The following STX8 variants were observed in gnomAD, a reference collection of about 807,000 sequenced individuals.
STX8 encodes the protein syntaxin 8.
STX8 carries 23 observed loss-of-function variants against 37.5 expected under a neutral mutation model. The ratio of observed to expected loss-of-function variants is 0.61; its 90% CI spans 0.44 to 0.87. STX8 has a LOEUF of 0.87. Ranked by LOEUF, STX8 falls within the 40% of genes least tolerant of loss-of-function variation. STX8 has a pLI of 0.00. For missense variants in STX8, 313 were observed against 284.7 expected, an observed-to-expected ratio of 1.10 and a Z score of -0.71; for synonymous variants, 115 against 99.1, an observed-to-expected ratio of 1.16 and a Z score of -0.95.
chr17:9,492,852 T>G (rs1231174261), intron 5 of STX8, among the ~76,000 whole-genome samples: 1 of 152,110 alleles, frequency 6.6e-6, no homozygotes, highest in African/African-American at 2.4e-5. Flanking sequence ...TCCCAGCACT[T>G]TGAGAGGCCA....
chr17:9,360,040 T>C (rs1405090604), intron 7 of STX8, among the ~76,000 whole-genome samples: 1 of 151,888 alleles, frequency 6.6e-6, no homozygotes, highest in Non-Finnish European at 1.5e-5. Context: ...TTTTGAGGTA[T>C]TGTTTCCTGA....
intron 4 of STX8, among the ~76,000 whole-genome samples, chr17:9,536,204 C>T (rs563758001): frequency 6.6e-6 from 1 of 152,320 alleles, no homozygotes; most frequent in African/African-American, 2.4e-5. Context: ...ATGCAAAACA[C>T]ATTCTCCTTT....
rs944320664 is a variant in STX8 at position 9,482,174 on chromosome 17, C to A, written c.541+9655G>T. The stretch of plus-strand genomic sequence containing the variant: ...TTCCAGCCTGAGCAACACAGCAAGA[C>A]CCTGTCCCTATTTTTTTTTAATCGT... On this transcript the variant is annotated intron_variant, in intron 6 of 7. Coordinates refer to ENST00000306357, the MANE Select transcript of STX8 (RefSeq NM_004853.3). Among the ~76,000 whole-genome samples the A allele has an allele frequency of 2.0e-5, 3 of 152,224 alleles. No homozygotes were observed. In the South Asian group the frequency reaches 6.2e-4, roughly 32 times the overall value.
chr17:9,435,869 CTAA>C (rs1327624067), intron 6 of STX8, among the ~76,000 whole-genome samples: 6 of 151,630 alleles, frequency 4.0e-5, no homozygotes, highest in Non-Finnish European at 5.9e-5. Flanking sequence ...TATATTTTAC[CTAA>C]TAATAATTTT....
chr17:9,485,677 C>A (rs1906563277), intron 6 of STX8, among the ~76,000 whole-genome samples: 1 of 151,878 alleles, frequency 6.6e-6, no homozygotes, highest in Non-Finnish European at 1.5e-5. Context: ...CCTCCACCTC[C>A]CAGGTTCAAG....
rs116727254 is a variant in STX8 at position 9,334,440 on chromosome 17, C to T, written c.643+44112G>A. On this transcript the variant is annotated intron_variant, in intron 7 of 7. Transcript: ENST00000306357. ...AAACTATAAACTAAGTTTCTCCCAA[C>T]GTTAGTTCAGCCTAAACCCAGGAAT... Among the ~76,000 whole-genome samples, 1,168 of 152,224 alleles carry T rather than the reference C, an allele frequency of 7.7e-3. 13 individuals are homozygous for T. Among genetic ancestry groups the T allele is most frequent in the African/African-American group, 0.027 (1,114 of 41,500 alleles).
chr17:9,351,053 G>A (rs2142245149), intron 7 of STX8, among the ~76,000 whole-genome samples: 1 of 151,276 alleles, frequency 6.6e-6, no homozygotes, highest in African/African-American at 2.4e-5. Flanking sequence ...ATTTCAACCT[G>A]ACAGAAAAGC....
chr17:9,333,408 A>G (rs1016893194), intron 7 of STX8, among the ~76,000 whole-genome samples: 1 of 152,026 alleles, frequency 6.6e-6, no homozygotes, highest in Non-Finnish European at 1.5e-5. Context: ...TTTTTTTTGA[A>G]ACAGAGTCTT....
chr17:9,491,688 C>G, intron 6 of STX8, 141 bp downstream of exon 6: 1 of 679,210 alleles, frequency 1.5e-6, no homozygotes, highest in Non-Finnish European at 2.4e-6. Flanking sequence ...CCACAACCCC[C>G]ACTCCAATGC....
chr17:9,556,720 T>C (rs957906102), intron 3 of STX8, among the ~76,000 whole-genome samples: 27 of 145,134 alleles, frequency 1.9e-4, no homozygotes, highest in Middle Eastern at 7.3e-3. Flanking sequence ...GCGTGAACCA[T>C]TGCACCTGGC....
At chr17:9,305,896 C>T (rs1908967751) in intron 7 of STX8, among the ~76,000 whole-genome samples, 1 of 151,820 alleles carries the variant, frequency 6.6e-6, no homozygotes. Flanking sequence ...AGATGCGCAC[C>T]ACCATTCCCG....
At chr17:9,323,742 G>C (rs370745920) in intron 7 of STX8, among the ~76,000 whole-genome samples, 5 of 152,216 alleles carry the variant, frequency 3.3e-5, no homozygotes, top group Non-Finnish European at 7.3e-5. Context: ...TGTGAAGAGA[G>C]GAGGCCTGTC....
rs551620497 is a variant in STX8 at position 9,268,172 on chromosome 17, A to G, written c.644-17527T>C. Among the ~76,000 whole-genome samples, 11 of 152,150 alleles carry G rather than the reference A, an allele frequency of 7.2e-5. 1 individual carries two copies. The South Asian group carries it at 8.3e-4, about 11-fold the overall frequency. On this transcript the variant is annotated intron_variant, in intron 7 of 7. Coordinates refer to ENST00000306357, the MANE Select transcript of STX8 (RefSeq NM_004853.3). ...CAGTGAGATGCTTAATGGCAGAACT[A>G]GGGCGCAACCAACTCAGCACACTGG... is the stretch of plus-strand genomic sequence containing the variant.
At chr17:9,391,524 T>A (rs751742133) in intron 6 of STX8, among the ~76,000 whole-genome samples, 5 of 151,676 alleles carry the variant, frequency 3.3e-5, no homozygotes, top group Non-Finnish European at 7.4e-5. Flanking sequence ...ACACACACAC[T>A]CATGCAGCAA....
At position 9,432,761 on chromosome 17, in the gene STX8, T is replaced by C. The variant is rs113340187; in HGVS notation, c.542-54108A>G. Among the ~76,000 whole-genome samples the C allele has an allele frequency of 1.2e-4, 18 of 152,352 alleles. 1 individual carries two copies. Among genetic ancestry groups the C allele is most frequent in the Admixed American group, 2.6e-4 (4 of 15,300 alleles). ...GCCTATTTATTTTGCTAGCTGGTGATAGAATTAAATACAGAGTCTTTGAAA... is the reference window on the plus strand; with the variant it reads ...GCCTATTTATTTTGCTAGCTGGTGACAGAATTAAATACAGAGTCTTTGAAA... On this transcript the variant is annotated intron_variant, in intron 6 of 7. Coordinates refer to ENST00000306357, the MANE Select transcript of STX8 (RefSeq NM_004853.3).
chr17:9,542,301 C>T (rs141050486), intron 4 of STX8, among the ~76,000 whole-genome samples: 1,695 of 150,186 alleles, frequency 0.011, 36 homozygotes, highest in African/African-American at 0.039. Context: ...GAGGTTGCAG[C>T]GAGCTGAAAT....
chr17:9,335,976 G>A (rs1044861555), intron 7 of STX8, among the ~76,000 whole-genome samples: 1 of 152,138 alleles, frequency 6.6e-6, no homozygotes, highest in Admixed American at 6.6e-5. Context: ...ACTGCTCTGG[G>A]CATCTCAGGG....
At chr17:9,409,071 T>C (rs375209331) in intron 6 of STX8, among the ~76,000 whole-genome samples, 2 of 151,408 alleles carry the variant, frequency 1.3e-5, no homozygotes, top group Non-Finnish European at 2.9e-5. Context: ...CAGCAGCCAC[T>C]GCCCAACCCC....
In STX8 at chr17:9,460,841, G is replaced by A. The variant is rs146636923; in HGVS notation, c.541+30988C>T. ...GACACTTGGTAGCTGTGTGCCTTTC[G>A]CCAAGTTACTTAGATTGCCTCAGCC... On this transcript the variant is annotated intron_variant, in intron 6 of 7. Transcript: ENST00000306357. 1.8e-3 allele frequency among the ~76,000 whole-genome samples: 280 copies of A among 152,086 alleles called. 1 individual carries two copies. Among genetic ancestry groups the A allele is most frequent in the Non-Finnish European group, 2.8e-3 (189 of 68,006 alleles).
Sources: allele counts gnomAD v4.1 joint callset (sites outside exome capture counted in the v4.1 genomes callset), GRCh38; gene constraint gnomAD v4.1.1; transcripts MANE v1.5; gene names NCBI Gene and HGNC (gene_info 2026-07-23, HGNC 2026-07-21).